The following GPC5 variants were observed in gnomAD, a reference collection of about 807,000 sequenced individuals.
GPC5 encodes the protein glypican 5.
A neutral mutation model predicts 53.9 loss-of-function variants in GPC5; 47 were observed. That is an observed-to-expected ratio of 0.87 (90% CI 0.69 to 1.11). The LOEUF (loss-of-function observed/expected upper bound fraction) is 1.11. GPC5 is among the 50% of genes most tolerant of loss of function. The probability of loss-of-function intolerance (pLI) is 0.00; values close to 1 mark genes in which losing one functional copy is unlikely to be tolerated. For missense variants in GPC5, 748 were observed against 713.1 expected (o/e 1.05, Z -0.56); for synonymous variants, 286 against 263.3 (o/e 1.09, Z -0.84).
intron 7 of GPC5, among the ~76,000 whole-genome samples, chr13:92,377,018 TA>T (rs112698533): frequency 1.1e-3 from 141 of 125,870 alleles, no homozygotes; most frequent in Middle Eastern, 5.2e-3. Flanking sequence ...CCATCTCAAA[TA>T]AAAAAAAAAA....
chr13:91,878,860 A>G (rs901817512), intron 5 of GPC5, among the ~76,000 whole-genome samples: 11 of 152,104 alleles, frequency 7.2e-5, no homozygotes, highest in Admixed American at 1.3e-4. Context: ...GAATGGACTA[A>G]TACATTGAGA....
chr13:92,620,011 T>C (rs1774791282), intron 7 of GPC5, among the ~76,000 whole-genome samples: 1 of 152,058 alleles, frequency 6.6e-6, no homozygotes, highest in Non-Finnish European at 1.5e-5. Flanking sequence ...AGAAAGACGG[T>C]TATAAAGATC....
chr13:92,664,611 T>A (rs1886509881), intron 7 of GPC5, among the ~76,000 whole-genome samples: 2 of 152,140 alleles, frequency 1.3e-5, no homozygotes, highest in Non-Finnish European at 2.9e-5. Context: ...ACCTCAATGA[T>A]AACTTTTTTA....
At chr13:92,743,755 G>A (rs113547217) in intron 7 of GPC5, among the ~76,000 whole-genome samples, 7,873 of 152,012 alleles carry the variant, frequency 0.052, 311 homozygotes, top group African/African-American at 0.11. Flanking sequence ...TTTGATATTC[G>A]TCCCATCAAT....
intron 7 of GPC5, among the ~76,000 whole-genome samples, chr13:92,437,071 C>G (rs1877334889): frequency 6.6e-6 from 1 of 152,182 alleles, no homozygotes; most frequent in African/African-American, 2.4e-5. Flanking sequence ...AATCCCAGAA[C>G]AGCAGGTGGT....
chr13:92,129,239 A>G (rs1716346345), intron 6 of GPC5, among the ~76,000 whole-genome samples: 1 of 152,194 alleles, frequency 6.6e-6, no homozygotes, highest in Non-Finnish European at 1.5e-5. Flanking sequence ...GCTCTCAATC[A>G]AAACCTCAAA....
At chr13:91,401,428 A>C (rs1876947201) in intron 1 of GPC5, among the ~76,000 whole-genome samples, 1 of 152,210 alleles carries the variant, frequency 6.6e-6, no homozygotes, top group South Asian at 2.1e-4. Flanking sequence ...ATTGACTATC[A>C]TATTTTCTAA....
chr13:92,601,349 A>G (rs1485824143), intron 7 of GPC5, among the ~76,000 whole-genome samples: 1 of 152,030 alleles, frequency 6.6e-6, no homozygotes, highest in Non-Finnish European at 1.5e-5. Flanking sequence ...TGAGGTCAGG[A>G]GTTTAAGACC....
At chr13:92,720,749 G>T (rs1888486279) in intron 7 of GPC5, among the ~76,000 whole-genome samples, 1 of 152,098 alleles carries the variant, frequency 6.6e-6, no homozygotes, top group African/African-American at 2.4e-5. Context: ...ATTTTGAAAT[G>T]TGAAAGATAA....
chr13:91,836,122 T>C (rs1642522053), intron 5 of GPC5, among the ~76,000 whole-genome samples: 1 of 152,036 alleles, frequency 6.6e-6, no homozygotes, highest in African/African-American at 2.4e-5. Flanking sequence ...TTAAATATTG[T>C]ATGTTACTAT....
At chr13:91,713,761 T>G (rs2036278187) in intron 3 of GPC5, among the ~76,000 whole-genome samples, 1 of 152,184 alleles carries the variant, frequency 6.6e-6, no homozygotes, top group South Asian at 2.1e-4. Context: ...CTTAGAAACC[T>G]AAGAGTCATC....
At chr13:92,505,629 A>G (rs1880338563) in intron 7 of GPC5, among the ~76,000 whole-genome samples, 1 of 152,094 alleles carries the variant, frequency 6.6e-6, no homozygotes. Flanking sequence ...CAGAAAAATA[A>G]CTTAGATTTA....
chr13:91,871,246 C>T (rs1036606820), intron 5 of GPC5, among the ~76,000 whole-genome samples: 16 of 152,156 alleles, frequency 1.1e-4, no homozygotes, highest in African/African-American at 3.1e-4. Flanking sequence ...CTAGCAAACT[C>T]GTACAAGAAC....
At chr13:91,503,557 G>A (rs947612854) in intron 2 of GPC5, among the ~76,000 whole-genome samples, 8 of 151,752 alleles carry the variant, frequency 5.3e-5, no homozygotes, top group African/African-American at 1.4e-4. Context: ...TGAGGCTGGC[G>A]GATCACGAGG....
At chr13:92,318,468 A>G (rs1312320769) in intron 7 of GPC5, among the ~76,000 whole-genome samples, 1 of 152,188 alleles carries the variant, frequency 6.6e-6, no homozygotes, top group Non-Finnish European at 1.5e-5. Flanking sequence ...AAATATAACA[A>G]ATAAGTAGGA....
At chr13:92,715,755 G>T (rs554591601) in intron 7 of GPC5, among the ~76,000 whole-genome samples, 2 of 152,148 alleles carry the variant, frequency 1.3e-5, no homozygotes, top group African/African-American at 4.8e-5. Context: ...AGATTCTAGA[G>T]TTTACATGGA....
At chr13:91,854,901 T>C (rs1291433369) in intron 5 of GPC5, among the ~76,000 whole-genome samples, 3 of 151,750 alleles carry the variant, frequency 2.0e-5, no homozygotes, top group African/African-American at 7.2e-5. Context: ...ACTTAACATA[T>C]GGTGGTTAAA....
chr13:92,545,869 T>C (rs1882092204), intron 7 of GPC5, among the ~76,000 whole-genome samples: 1 of 152,194 alleles, frequency 6.6e-6, no homozygotes, highest in Non-Finnish European at 1.5e-5. Flanking sequence ...ATTTTGTAGG[T>C]TGCCTGTTCA....
At chr13:92,490,333 G>A (rs1879714972) in intron 7 of GPC5, 1 of 152,384 alleles carries the variant, frequency 6.6e-6, no homozygotes, top group African/African-American at 2.4e-5. Context: ...CTAATGTTTA[G>A]TGTTGTGCAT....
Sources: allele counts gnomAD v4.1 joint callset (sites outside exome capture counted in the v4.1 genomes callset), GRCh38; gene constraint gnomAD v4.1.1; transcripts MANE v1.5; gene names NCBI Gene and HGNC (gene_info 2026-07-23, HGNC 2026-07-21).